NETO1: variants seen among roughly 807,000 people sequenced by gnomAD.
NETO1 encodes neuropilin and tolloid like 1, also known as neuropilin and tolloid-like protein 1.
A neutral mutation model predicts 61.3 loss-of-function variants in NETO1; 26 were observed. The ratio of observed to expected loss-of-function variants is 0.42; its 90% confidence interval spans 0.31 to 0.59. The LOEUF (loss-of-function observed/expected upper bound fraction) is 0.59, where lower values mean the gene tolerates loss of function less well. Ranked by LOEUF, NETO1 falls within the 20% of genes least tolerant of loss-of-function variation. NETO1 has a pLI of 0.12. For synonymous variants in NETO1, 225 were observed against 225.8 expected, an observed-to-expected ratio of 1.00 and a Z score of 0.03; for missense variants, 531 against 662.8, an observed-to-expected ratio of 0.80 and a Z score of 2.18.
At chr18:72,761,070 T>C (rs181316016) in intron 7 of NETO1, among the ~76,000 whole-genome samples, 1 of 152,242 alleles carries the variant, frequency 6.6e-6, no homozygotes, top group East Asian at 1.9e-4. Flanking sequence ...TTAAGATGTA[T>C]GACATAAAAT....
rs186943007 is a variant in NETO1 at position 72,822,480 on chromosome 18, G to A, written c.470-28076C>T. The stretch of plus-strand genomic sequence containing the variant: ...GACGTGGGGAGGCGGAGCAGGGAGC[G>A]GGAGCCATTTGCAGGGGCAGTTTCA... On this transcript the variant is annotated intron_variant, in intron 4 of 10. Transcript: ENST00000327305. Among the ~76,000 whole-genome samples, 715 of 152,278 alleles carry A rather than the reference G, an allele frequency of 4.7e-3. 3 individuals carry two copies. The highest frequency in any genetic ancestry group is 8.2e-3 in the Non-Finnish European group (561 of 68,016).
intron 4 of NETO1, among the ~76,000 whole-genome samples, chr18:72,796,380 T>G (rs897097256): frequency 6.6e-6 from 1 of 152,248 alleles, no homozygotes; most frequent in Non-Finnish European, 1.5e-5. Context: ...TCTGATCATA[T>G]GAACTATTTA....
At chr18:72,863,710 C>G (rs2074649720) in intron 3 of NETO1, among the ~76,000 whole-genome samples, 1 of 151,996 alleles carries the variant, frequency 6.6e-6, no homozygotes, top group South Asian at 2.1e-4. Context: ...GAACAGAAAG[C>G]CTGCTTCTTT....
chr18:72,823,385 G>A (rs1282717317), intron 4 of NETO1, among the ~76,000 whole-genome samples: 2 of 152,102 alleles, frequency 1.3e-5, no homozygotes, highest in East Asian at 3.9e-4. Flanking sequence ...CATGAGCGGA[G>A]CAGGGGAAGG....
At chr18:72,788,332 G>A (rs2071991768) in intron 6 of NETO1, among the ~76,000 whole-genome samples, 1 of 152,096 alleles carries the variant, frequency 6.6e-6, no homozygotes, top group South Asian at 2.1e-4. Context: ...TAGAAAAAGA[G>A]AATATACTTT....
intron 4 of NETO1, among the ~76,000 whole-genome samples, chr18:72,846,597 A>G (rs1453852225): frequency 6.6e-6 from 1 of 150,678 alleles, no homozygotes; most frequent in African/African-American, 2.4e-5. Context: ...AATTGAAATA[A>G]TGTCAAAGGT....
At chr18:72,865,325 T>C in intron 1 of NETO1, 84 bp from the exon 2 acceptor site, 1 of 1,279,088 alleles carries the variant, frequency 7.8e-7, no homozygotes, top group Non-Finnish European at 1.1e-6. Flanking sequence ...CAAGATAAAA[T>C]AATATCAAAG....
intron 3 of NETO1, among the ~76,000 whole-genome samples, chr18:72,862,921 T>C (rs1048199799): frequency 6.6e-5 from 10 of 152,118 alleles, no homozygotes; most frequent in African/African-American, 1.7e-4. Flanking sequence ...CGTCTGGCGA[T>C]CCAGTTTCTT....
intron 6 of NETO1, among the ~76,000 whole-genome samples, chr18:72,789,667 T>C (rs921087316): frequency 1.3e-5 from 2 of 152,196 alleles, no homozygotes; most frequent in African/African-American, 4.8e-5. Context: ...TGAGGGCAGA[T>C]GAGGGTGAAA....
At position 72,751,076 on chromosome 18, in the gene NETO1, C is replaced by CACACACAA. The variant is rs770327024; in HGVS notation, c.983-457_983-456insTTGTGTGT. On this transcript the variant is annotated intron_variant, in intron 8 of 10. Transcript: ENST00000327305. ...ACACACACACACACACACACACACA[C>CACACACAA]AATCTATCTATAAAGTAACAACAAT... Among the ~76,000 whole-genome samples, 52 of 151,886 alleles carry CACACACAA rather than the reference C, an allele frequency of 3.4e-4. 1 individual carries two copies. The highest frequency in any genetic ancestry group is 1.3e-3 in the African/African-American group (52 of 41,436).
chr18:72,776,198 C>A (rs375600517), intron 7 of NETO1, among the ~76,000 whole-genome samples: 1 of 152,106 alleles, frequency 6.6e-6, no homozygotes, highest in East Asian at 1.9e-4. Flanking sequence ...CAAACAGGAG[C>A]TGAAAAACCT....
chr18:72,750,259 GC>G lies in NETO1; in HGVS notation c.1343del (p.Ser448ThrfsTer8), dbSNP rs1294788626. The G allele has an allele frequency of 6.2e-7, 1 of 1,614,096 alleles. No individual in the cohort carries two copies. Among genetic ancestry groups the G allele is most frequent in the South Asian group, 1.1e-5 (1 of 91,082 alleles). ...CTGTCAAGATAGAAGCATCTCTTGT[GC>G]TGAGGTTACTGCGGCTGCCTTTAGT... ...SSTKGSRSNL[S>X]TRDASILTEM... On this transcript the variant is annotated frameshift_variant, in exon 9 of 11. Coordinates refer to ENST00000327305, the MANE Select transcript of NETO1 (RefSeq NM_138966.5). LOFTEE classifies it high-confidence loss of function.
intron 4 of NETO1, among the ~76,000 whole-genome samples, chr18:72,795,387 A>G (rs115679848): frequency 1.1e-3 from 168 of 152,316 alleles, no homozygotes; most frequent in African/African-American, 3.8e-3. Flanking sequence ...ATATAATAAA[A>G]GGCTAACTGT....
intron 4 of NETO1, among the ~76,000 whole-genome samples, chr18:72,798,557 T>C (rs529044436): frequency 9.9e-5 from 15 of 152,176 alleles, no homozygotes; most frequent in Non-Finnish European, 2.1e-4. Flanking sequence ...TGGCAGGCTT[T>C]AAGTCAAAAT....
In NETO1 at chr18:72,770,810, T is replaced by C. The variant is rs546416743; in HGVS notation, c.868+12868A>G. On this transcript the variant is annotated intron_variant, in intron 7 of 10. Coordinates refer to ENST00000327305, the MANE Select transcript of NETO1 (RefSeq NM_138966.5). ...CTTGTAAATTGTGTTTGGCCTTGCT[T>C]ATTCTAGAGGAAAAACTAAACAGTG... Among the ~76,000 whole-genome samples the C allele has an allele frequency of 2.0e-5, 3 of 152,292 alleles. No homozygotes were observed. The East Asian group carries it at 5.8e-4, about 29-fold the overall frequency.
chr18:72,768,440 C>A (rs1291381559), intron 7 of NETO1, among the ~76,000 whole-genome samples: 1 of 152,092 alleles, frequency 6.6e-6, no homozygotes, highest in Non-Finnish European at 1.5e-5. Flanking sequence ...CAGCTTAATA[C>A]AAACAAGCAA....
chr18:72,772,825 C>CTCTCTCTCTCTCTATA (rs1568187563), intron 7 of NETO1, among the ~76,000 whole-genome samples: 3 of 40,868 alleles, frequency 7.3e-5, no homozygotes, highest in Non-Finnish European at 1.3e-4. Flanking sequence ...CTCTCTCTCT[C>CTCTCTCTCTCTCTATA]TATATATATA....
chr18:72,776,157 T>C lies in NETO1; in HGVS notation c.868+7521A>G, dbSNP rs891651199. On this transcript the variant is annotated intron_variant, in intron 7 of 10. Coordinates refer to ENST00000327305, the MANE Select transcript of NETO1 (RefSeq NM_138966.5). ...GATCTCATGCTTTGTTGCAACACAG[T>C]GGAGAGTTTCCAAGGGGAAGTGGCT... Among the ~76,000 whole-genome samples the C allele has an allele frequency of 5.9e-5, 9 of 152,234 alleles. No individual in the cohort carries two copies. In the East Asian group the frequency reaches 1.5e-3, roughly 26 times the overall value.
At chr18:72,862,481 C>T (rs1180796482) in intron 3 of NETO1, among the ~76,000 whole-genome samples, 5 of 152,100 alleles carry the variant, frequency 3.3e-5, no homozygotes, top group Admixed American at 6.5e-5. Context: ...TTCCTTTAAA[C>T]CAATTTTTCC....
Sources: gnomAD v4.1 joint callset for allele counts (sites outside exome capture counted in the v4.1 genomes callset) on GRCh38, gnomAD v4.1.1 for gene constraint, MANE v1.5 for transcripts, NCBI Gene and HGNC (gene_info 2026-07-23, HGNC 2026-07-21) for gene names.